GREB1: variants seen among roughly 807,000 people sequenced by gnomAD.
The protein encoded by GREB1 is protein GREB1.
GREB1 carries 106 observed loss-of-function variants against 200.7 expected under a neutral mutation model. That is an observed-to-expected ratio of 0.53 (90% confidence interval 0.45 to 0.62). The LOEUF (loss-of-function observed/expected upper bound fraction) is 0.62. Ranked by LOEUF, GREB1 falls within the 20% of genes least tolerant of loss-of-function variation. The pLI is 0.00. For synonymous variants in GREB1, 1,132 were observed against 1,092.4 expected (o/e 1.04, Z -0.72); for missense variants, 2,243 against 2,556.8 (o/e 0.88, Z 2.65).
At chr2:11,515,631 CAA>C (rs1422586599) in intron 1 of GREB1, among the ~76,000 whole-genome samples, 2 of 152,298 alleles carry the variant, frequency 1.3e-5, no homozygotes, top group African/African-American at 4.8e-5. Context: ...CTGGTGGCTT[CAA>C]GGTGGTCACA....
chr2:11,604,897 A>G (rs776990447), intron 17 of GREB1, among the ~76,000 whole-genome samples: 16 of 152,244 alleles, frequency 1.1e-4, no homozygotes, highest in Admixed American at 5.9e-4. Context: ...AAACGCCAGC[A>G]TACGGCTGGG....
chr2:11,605,383 G>A (rs879477525), intron 17 of GREB1, among the ~76,000 whole-genome samples: 10 of 151,548 alleles, frequency 6.6e-5, no homozygotes, highest in Non-Finnish European at 1.3e-4. Context: ...TTGCCACCAC[G>A]GCCAGCTGAT....
chr2:11,626,863 G>A, intron 24 of GREB1, 99 bp from the exon 25 acceptor site: 1 of 1,240,832 alleles, frequency 8.1e-7, no homozygotes, highest in East Asian at 2.3e-5. Flanking sequence ...GAATCCTGTT[G>A]TCTGGTCATT....
chr2:11,519,382 G>A (rs184253038), intron 1 of GREB1, among the ~76,000 whole-genome samples: 118 of 150,654 alleles, frequency 7.8e-4, no homozygotes, highest in African/African-American at 2.7e-3. Flanking sequence ...AAGTCCCCCA[G>A]GTATTCTCTG....
chr2:11,596,076 A>C, intron 12 of GREB1, 35 bp from the exon 13 acceptor site: 1 of 1,596,030 alleles, frequency 6.3e-7, no homozygotes, highest in East Asian at 2.2e-5. Flanking sequence ...TTTCACTGAC[A>C]TCAAAAACCC....
At chr2:11,581,689 C>T (rs1054870925) in intron 7 of GREB1, among the ~76,000 whole-genome samples, 1 of 152,134 alleles carries the variant, frequency 6.6e-6, no homozygotes, top group Admixed American at 6.5e-5. Context: ...TTCTTTCCTC[C>T]ATCATGCACT....
intron 4 of GREB1, among the ~76,000 whole-genome samples, chr2:11,573,585 G>A (rs1013632312): frequency 3.6e-4 from 55 of 152,138 alleles, no homozygotes; most frequent in African/African-American, 1.2e-3. Context: ...TCTCTCCCAG[G>A]GCCGGTTGGG....
chr2:11,490,420 T>A (rs554671005), intron 1 of GREB1, among the ~76,000 whole-genome samples: 5 of 152,392 alleles, frequency 3.3e-5, no homozygotes, highest in Non-Finnish European at 7.3e-5. Flanking sequence ...TAATATTCCA[T>A]TGTATGGATA....
chr2:11,501,905 G>GTTTTTT (rs1204074491), intron 1 of GREB1, among the ~76,000 whole-genome samples: 8 of 61,600 alleles, frequency 1.3e-4, no homozygotes, highest in African/African-American at 4.4e-4. Context: ...GTTTTTTTTT[G>GTTTTTT]TTTTTTTTTT....
In GREB1 at chr2:11,548,799, A is replaced by G. The variant is rs1007454710; in HGVS notation, c.-161-7655A>G. 6.6e-6 allele frequency among the ~76,000 whole-genome samples: 1 copy of G among 152,060 alleles called. No homozygotes were observed. Among genetic ancestry groups the G allele is most frequent in the African/African-American group, 2.4e-5 (1 of 41,368 alleles). ...CACCACTCCCCAGTAGTTTCTTGAGAAAGTGAACTTGGGAGATAAATTGCT... is the reference window on the plus strand; with the variant it reads ...CACCACTCCCCAGTAGTTTCTTGAGGAAGTGAACTTGGGAGATAAATTGCT... On this transcript the variant is annotated intron_variant, in intron 1 of 32. Coordinates refer to ENST00000381486, the MANE Select transcript of GREB1 (RefSeq NM_014668.4). This position sits in a 1 kb window ranked among gnomAD's most constrained non-coding sequence, Gnocchi z 5.1.
At chr2:11,544,959 C>T (rs1374067584) in intron 1 of GREB1, among the ~76,000 whole-genome samples, 3 of 152,016 alleles carry the variant, frequency 2.0e-5, no homozygotes, top group African/African-American at 4.8e-5. Context: ...GGATTACAGG[C>T]GCCTGCCACC....
intron 1 of GREB1, among the ~76,000 whole-genome samples, chr2:11,510,193 A>T (rs532198362): frequency 6.6e-6 from 1 of 152,338 alleles, no homozygotes; most frequent in South Asian, 2.1e-4. Context: ...TCAGTAAATT[A>T]GTAATTTGAT....
intron 9 of GREB1, chr2:11,587,589 C>T: frequency 6.7e-7 from 1 of 1,488,152 alleles, no homozygotes; most frequent in South Asian, 1.3e-5. Flanking sequence ...GTGCCCCAGG[C>T]ACCAGCTTTA....
chr2:11,485,895 G>GGAA (rs1475695138), intron 1 of GREB1, among the ~76,000 whole-genome samples: 1 of 152,128 alleles, frequency 6.6e-6, no homozygotes, highest in African/African-American at 2.4e-5. Context: ...AATCAGGATG[G>GGAA]GAAGAAGATA....
chr2:11,607,633 T>TATAC (rs1198436888), intron 17 of GREB1, among the ~76,000 whole-genome samples: 16 of 148,236 alleles, frequency 1.1e-4, no homozygotes, highest in African/African-American at 1.5e-4. Flanking sequence ...TATATATACA[T>TATAC]ATATATATAT....
intron 1 of GREB1, among the ~76,000 whole-genome samples, chr2:11,538,262 C>T (rs112270827): frequency 6.6e-6 from 1 of 152,170 alleles, no homozygotes; most frequent in African/African-American, 2.4e-5. Context: ...AAGCCCACCA[C>T]ACAAGTTCTA....
chr2:11,625,417 A>G, intron 24 of GREB1, 105 bp downstream of exon 24: 2 of 1,094,756 alleles, frequency 1.8e-6, no homozygotes, highest in Non-Finnish European at 2.7e-6. Context: ...GTGATGAATT[A>G]ACCTGCCATA....
chr2:11,604,685 A>G (rs1402663916), intron 17 of GREB1, among the ~76,000 whole-genome samples: 1 of 152,240 alleles, frequency 6.6e-6, no homozygotes, highest in Non-Finnish European at 1.5e-5. Context: ...GCCCGACTTC[A>G]TGCAGCCTGT....
Position 11,634,134 on chromosome 2 carries a change from G to A in GREB1, c.4995G>A (p.Glu1665=). 6.2e-7 allele frequency: 1 copy of A among 1,614,184 alleles called. No individual in the cohort carries two copies. The highest frequency in any genetic ancestry group is 8.5e-7 in the Non-Finnish European group (1 of 1,179,994). Residue 1665 remains glutamate (E), a synonymous_variant, in exon 29 of 33, where the codon GAG becomes GAA. Coordinates refer to ENST00000381486, the MANE Select transcript of GREB1 (RefSeq NM_014668.4). ...TCACTCTCCCTCCTTGGAGCAGGGA[G>A]TTCTCCTGGTCGGAAAGGAACGTGT... is the stretch of plus-strand genomic sequence containing the variant. ...DVNSAGERSR[E]FSWSERNVSL...
Sources: gnomAD v4.1 joint callset for allele counts (sites outside exome capture counted in the v4.1 genomes callset) on GRCh38, gnomAD v4.1.1 for gene constraint, Gnocchi (gnomAD v3.1) non-coding constraint, MANE v1.5 for transcripts, NCBI Gene and HGNC (gene_info 2026-07-23, HGNC 2026-07-21) for gene names.